MYH15: variants seen among roughly 807,000 people sequenced by gnomAD.
MYH15 encodes the protein myosin-15.
A neutral mutation model predicts 240.5 loss-of-function variants in MYH15; 227 were observed. The observed-to-expected ratio is 0.94, with a 90% CI of 0.85 to 1.05. The LOEUF (loss-of-function observed/expected upper bound fraction) is 1.05. Ranked by LOEUF, MYH15 falls within the 50% of genes least tolerant of loss-of-function variation. The probability of loss-of-function intolerance (pLI) is 0.00; values close to 1 mark genes in which losing one functional copy is unlikely to be tolerated. For synonymous variants in MYH15, 785 were observed against 796.7 expected (o/e 0.99, Z 0.25); for missense variants, 2,217 against 2,247.5 (o/e 0.99, Z 0.27).
chr3:108,408,960 C>T lies in MYH15; in HGVS notation c.4496-556G>A, dbSNP rs116114051. ...GTGTTTTTTCCTAGCCTCTCATGAACATAAGCCTTTGACAAACAGAATAGG... is the reference window on the plus strand; with the variant it reads ...GTGTTTTTTCCTAGCCTCTCATGAATATAAGCCTTTGACAAACAGAATAGG... On this transcript the variant is annotated intron_variant, in intron 31 of 40. Coordinates refer to ENST00000693548, the MANE Select transcript of MYH15 (RefSeq NM_014981.3). 1.7e-4 allele frequency among the ~76,000 whole-genome samples: 26 copies of T among 152,276 alleles called. No individual in the cohort carries two copies. In the South Asian group the frequency reaches 5.2e-3, roughly 30 times the overall value.
intron 29 of MYH15, among the ~76,000 whole-genome samples, chr3:108,415,262 GA>G (rs1472848843): frequency 6.6e-6 from 1 of 151,940 alleles, no homozygotes; most frequent in Non-Finnish European, 1.5e-5. Flanking sequence ...TGCAAATTAG[GA>G]AAAAAGCACA....
chr3:108,405,883 G>A (rs985432348), intron 32 of MYH15, among the ~76,000 whole-genome samples: 8 of 152,186 alleles, frequency 5.3e-5, no homozygotes, highest in African/African-American at 1.7e-4. Flanking sequence ...CGAGGGGATA[G>A]AGGAAAAGTT....
chr3:108,523,610 G>A (rs2083641257), intron 1 of MYH15, among the ~76,000 whole-genome samples: 1 of 151,660 alleles, frequency 6.6e-6, no homozygotes, highest in South Asian at 2.1e-4. Flanking sequence ...TTGTCCTCTT[G>A]CTACAGCCCA....
Position 108,444,660 on chromosome 3 carries a change from G to A in MYH15, c.2635C>T (p.Leu879=). 1.9e-6 allele frequency: 3 copies of A among 1,613,970 alleles called. No individual in the cohort carries two copies. Among genetic ancestry groups the A allele is most frequent in the Non-Finnish European group, 2.5e-6 (3 of 1,179,930 alleles). Residue 879 remains leucine (L), a synonymous_variant, in exon 22 of 41, where the codon CTG becomes TTG. Coordinates refer to ENST00000693548, the MANE Select transcript of MYH15 (RefSeq NM_014981.3). ...QVSLTQEKND[L]ILQLQAEQET... is the part of the protein sequence containing the mutation. ...CTCACAGCCTGAAGCTGAAGAATCA[G>A]GTCATTTTTTTCCTGAGTGAGGGAT...
intron 37 of MYH15, among the ~76,000 whole-genome samples, chr3:108,390,423 C>G (rs557302985): frequency 2.0e-5 from 3 of 152,258 alleles, no homozygotes; most frequent in Non-Finnish European, 4.4e-5. Flanking sequence ...ACCTGGCAAT[C>G]TTAAAACTGA....
intron 14 of MYH15, 111 bp from the exon 15 acceptor site, chr3:108,464,925 T>C (rs1010708256): frequency 1.1e-6 from 1 of 904,406 alleles, no homozygotes; most frequent in Admixed American, 2.7e-5. Context: ...AAGGGAAGAA[T>C]ATTCACTGCA....
At chr3:108,519,385 T>C (rs1383367102) in intron 1 of MYH15, among the ~76,000 whole-genome samples, 2 of 152,196 alleles carry the variant, frequency 1.3e-5, no homozygotes, top group African/African-American at 4.8e-5. Flanking sequence ...TTTGAATCCA[T>C]GGAGTCTTAG....
rs5851595 is a variant in MYH15, at chr3:108,497,157, T to TAAAA, written c.618+891_618+894dup. Among the ~76,000 whole-genome samples the TAAAA allele has an allele frequency of 4.2e-4, 12 of 28,770 alleles. 1 individual carries two copies. Among genetic ancestry groups the TAAAA allele is most frequent in the East Asian group, 4.1e-3 (3 of 740 alleles). 18.9% of individuals were successfully genotyped at this position (28,770 alleles called of 152,430 possible). A position where few individuals can be genotyped will look rare whatever the true frequency, so the allele number is the denominator to read the frequency against. On this transcript the variant is annotated intron_variant, in intron 6 of 40. Transcript: ENST00000693548. ...GCCTGGGCGAAAGAGCGAGACTCCG[T>TAAAA]AAAAAAAAAAAAAAAAAAAAAAAAA...
chr3:108,531,379 T>C (rs1576285649), upstream of MYH15, among the ~76,000 whole-genome samples: 1 of 152,132 alleles, frequency 6.6e-6, no homozygotes, highest in Non-Finnish European at 1.5e-5. Flanking sequence ...AGTGTCATGG[T>C]TCCTGCAGCA....
chr3:108,481,426 G>T (rs904672606), intron 11 of MYH15, among the ~76,000 whole-genome samples: 4 of 152,126 alleles, frequency 2.6e-5, no homozygotes, highest in Non-Finnish European at 5.9e-5. Context: ...TGGAGATTGA[G>T]GGGTGGAGGC....
exon 1 of MYH15, chr3:108,529,322 G>A: frequency 6.8e-7 from 1 of 1,469,676 alleles, no homozygotes; most frequent in Non-Finnish European, 9.4e-7. Flanking sequence ...AAGTAGAAAT[G>A]ACCTAAATTG....
At chr3:108,393,898 G>T in intron 36 of MYH15, 133 bp downstream of exon 36, 3 of 1,326,770 alleles carry the variant, frequency 2.3e-6, no homozygotes, top group Non-Finnish European at 3.1e-6. Flanking sequence ...AGGCAGAGAG[G>T]TCAGACTAAC....
intron 11 of MYH15, among the ~76,000 whole-genome samples, chr3:108,482,080 C>T (rs943748835): frequency 2.0e-5 from 3 of 151,970 alleles, no homozygotes; most frequent in Non-Finnish European, 4.4e-5. Context: ...TGGCAGTGGG[C>T]ATGGCCATGG....
intron 23 of MYH15, among the ~76,000 whole-genome samples, chr3:108,440,325 T>C (rs764535364): frequency 3.3e-5 from 5 of 152,134 alleles, no homozygotes; most frequent in Non-Finnish European, 5.9e-5. Context: ...CCCAAGAAAG[T>C]GGCAGTTAAA....
At chr3:108,539,790 T>C in the MYH15 span, among the ~76,000 whole-genome samples, 6 of 152,192 alleles carry the variant, frequency 3.9e-5, no homozygotes, top group South Asian at 2.1e-4. Flanking sequence ...AGAAGAAATA[T>C]AGACAGTTTC....
At chr3:108,537,014 A>C in the MYH15 span, among the ~76,000 whole-genome samples, 1 of 152,196 alleles carries the variant, frequency 6.6e-6, no homozygotes, top group Non-Finnish European at 1.5e-5. Flanking sequence ...TTCTCTTCAG[A>C]GTAGGAATGT....
At position 108,454,102 on chromosome 3, in the gene MYH15, A is replaced by G. The variant is rs1282804358; in HGVS notation, c.2303T>C (p.Ile768Thr). ...GACTTTAGATAGTCTCTCATCTCTT[A>G]TTGCTTCCAGTTGGCCCAGAAACCC... Reference protein sequence around the residue: ...KAGFLGQLEAIRDERLSKVFT... With the variant: ...KAGFLGQLEATRDERLSKVFT... Residue 768 changes from isoleucine (I) to threonine (T), a missense_variant, in exon 21 of 41, where the codon ATA becomes ACA. By Grantham distance (89) the Ile-to-Thr change is moderately conservative. Transcript: ENST00000693548. 6.2e-7 allele frequency: 1 copy of G among 1,611,804 alleles called. No individual in the cohort carries two copies. The highest frequency in any genetic ancestry group is 8.5e-7 in the Non-Finnish European group (1 of 1,178,518).
rs1354440888 is a variant in MYH15, at chr3:108,428,632, G to A, written c.3562C>T (p.His1188Tyr). Residue 1188 changes from histidine (H) to tyrosine (Y), a missense_variant, in exon 27 of 41, where the codon CAT (histidine) becomes TAT (tyrosine). Coordinates refer to ENST00000693548, the MANE Select transcript of MYH15 (RefSeq NM_014981.3). The stretch of plus-strand genomic sequence containing the variant: ...TCGAGCTCAGCCAGGCTGTCTGCAT[G>A]TCTCTTCTTCAAAGATGCAGAAGTT... ...ETTSASLKKRHADSLAELEGQ... is the reference protein window; with the variant it reads ...ETTSASLKKRYADSLAELEGQ... 8 of 1,613,480 alleles carry A rather than the reference G, an allele frequency of 5.0e-6. No individual in the cohort carries two copies. Among genetic ancestry groups the A allele is most frequent in the African/African-American group, 4.0e-5 (3 of 74,724 alleles).
At chr3:108,503,019 C>T (rs61357151) in intron 2 of MYH15, among the ~76,000 whole-genome samples, 24,025 of 151,994 alleles carry the variant, frequency 0.16, 2,120 homozygotes, top group South Asian at 0.26. Context: ...AGATTTATTG[C>T]CTTTGCTAAT....
Sources: allele counts gnomAD v4.1 joint callset (sites outside exome capture counted in the v4.1 genomes callset), GRCh38; gene constraint gnomAD v4.1.1; transcripts MANE v1.5; gene names NCBI Gene and HGNC (gene_info 2026-07-23, HGNC 2026-07-21).